RBFOX1: variants seen among roughly 807,000 people sequenced by gnomAD.
RBFOX1 encodes the protein RNA binding protein fox-1 homolog 1.
RBFOX1 carries 8 observed loss-of-function variants against 57.7 expected under a neutral mutation model. The ratio of observed to expected loss-of-function variants is 0.14; its 90% CI spans 0.08 to 0.25. The LOEUF is 0.25. RBFOX1 is among the 10% of genes least tolerant of loss of function. RBFOX1 has a pLI of 1.00. For synonymous variants in RBFOX1, 326 were observed against 222.4 expected, an observed-to-expected ratio of 1.47 and a Z score of -4.15; for missense variants, 611 against 548.5, an observed-to-expected ratio of 1.11 and a Z score of -1.14.
At chr16:6,529,839 C>T (rs2096631925) in intron 2 of RBFOX1, among the ~76,000 whole-genome samples, 2 of 152,004 alleles carry the variant, frequency 1.3e-5, no homozygotes, top group Admixed American at 1.3e-4. Flanking sequence ...TAAATATTAT[C>T]CCTAGTTTAT....
At chr16:5,241,122 C>T (rs2062156416) in intron 1 of RBFOX1, among the ~76,000 whole-genome samples, 1 of 152,240 alleles carries the variant, frequency 6.6e-6, no homozygotes, top group Admixed American at 6.5e-5. Context: ...ATTTGGGCAG[C>T]ACGGGTAGCC....
At chr16:5,271,439 C>T (rs188804971) in intron 1 of RBFOX1, among the ~76,000 whole-genome samples, 4 of 152,224 alleles carry the variant, frequency 2.6e-5, no homozygotes, top group Non-Finnish European at 4.4e-5. Flanking sequence ...GGCTGGGTAT[C>T]CCCTAGGGAT....
intron 4 of RBFOX1, among the ~76,000 whole-genome samples, chr16:7,187,337 G>A (rs1000252552): frequency 2.6e-5 from 4 of 151,732 alleles, no homozygotes; most frequent in African/African-American, 4.8e-5. Flanking sequence ...AGAGATTATC[G>A]ATCACTTAAA....
At chr16:5,357,520 T>A (rs1315453130) in intron 1 of RBFOX1, among the ~76,000 whole-genome samples, 2 of 152,150 alleles carry the variant, frequency 1.3e-5, no homozygotes, top group Non-Finnish European at 2.9e-5. Flanking sequence ...CCAGAATGGA[T>A]CTCAAAGGTT....
intron 1 of RBFOX1, among the ~76,000 whole-genome samples, chr16:5,330,565 C>A (rs530026996): frequency 2.6e-5 from 4 of 151,918 alleles, no homozygotes; most frequent in African/African-American, 4.8e-5. Context: ...CTACCATGCC[C>A]GGCTAATTTT....
At chr16:6,995,703 G>A (rs1408179043) in intron 3 of RBFOX1, among the ~76,000 whole-genome samples, 1 of 151,794 alleles carries the variant, frequency 6.6e-6, no homozygotes, top group Non-Finnish European at 1.5e-5. Flanking sequence ...AGAGGTTGCA[G>A]TGAGCCAAGA....
intron 3 of RBFOX1, among the ~76,000 whole-genome samples, chr16:6,660,385 C>T (rs1356397168): frequency 6.6e-6 from 1 of 152,064 alleles, no homozygotes; most frequent in Non-Finnish European, 1.5e-5. Flanking sequence ...CGCACATGTA[C>T]CCCAGAACTA....
chr16:7,215,298 C>G (rs1022261735), intron 4 of RBFOX1, among the ~76,000 whole-genome samples: 1 of 152,148 alleles, frequency 6.6e-6, no homozygotes, highest in Non-Finnish European at 1.5e-5. Context: ...TACCATTTGA[C>G]CCAGCCATCC....
chr16:6,417,439 G>A (rs1179258506), intron 2 of RBFOX1, among the ~76,000 whole-genome samples: 2 of 139,932 alleles, frequency 1.4e-5, no homozygotes, highest in African/African-American at 5.3e-5. Flanking sequence ...TTTGAGACTG[G>A]AGTGCAGTGG....
intron 2 of RBFOX1, among the ~76,000 whole-genome samples, chr16:6,484,285 G>C (rs2095427122): frequency 6.6e-6 from 1 of 152,184 alleles, no homozygotes; most frequent in Non-Finnish European, 1.5e-5. Context: ...CACGTTGCAA[G>C]GGAGCATGTG....
At position 6,023,567 on chromosome 16, in the gene RBFOX1, A is replaced by G. The variant is rs549930119; in HGVS notation, c.-127+3575A>G. On this transcript the variant is annotated intron_variant, in intron 1 of 15. Transcript: ENST00000550418. ...GAACACATTCCAAGAGGGAAATCGT[A>G]TTTGACACAGAAAATACTTTGGAGA... 1.6e-4 allele frequency among the ~76,000 whole-genome samples: 25 copies of G among 152,290 alleles called. 1 individual carries two copies. The East Asian group carries it at 4.4e-3, about 27-fold the overall frequency.
chr16:7,021,542 A>C (rs1173969494), intron 3 of RBFOX1, among the ~76,000 whole-genome samples: 1 of 145,656 alleles, frequency 6.9e-6, no homozygotes, highest in African/African-American at 2.5e-5. Flanking sequence ...ATTTTATAAA[A>C]TTTTTATATT....
chr16:6,070,665 C>G (rs2095824967), intron 1 of RBFOX1, among the ~76,000 whole-genome samples: 1 of 145,998 alleles, frequency 6.8e-6, no homozygotes, highest in African/African-American at 2.6e-5. Context: ...TTTAGCTTTT[C>G]TAAAAAAAAA....
intron 4 of RBFOX1, among the ~76,000 whole-genome samples, chr16:7,092,964 G>C (rs376546980): frequency 6.6e-6 from 1 of 152,066 alleles, no homozygotes; most frequent in Admixed American, 6.5e-5. Flanking sequence ...GTTCCTTTTC[G>C]TAGGAACTTG....
intron 4 of RBFOX1, among the ~76,000 whole-genome samples, chr16:7,171,171 G>T (rs984668663): frequency 4.6e-5 from 7 of 152,180 alleles, no homozygotes; most frequent in Admixed American, 3.9e-4. Context: ...TCGGCAATTG[G>T]CGAGGAGCTG....
intron 1 of RBFOX1, among the ~76,000 whole-genome samples, chr16:6,166,549 C>T (rs1039759287): frequency 6.6e-5 from 10 of 152,218 alleles, no homozygotes; most frequent in African/African-American, 1.7e-4. Context: ...AGACAGTCTT[C>T]GTGTGGTGAC....
At chr16:7,003,473 A>G (rs1009337690) in intron 3 of RBFOX1, among the ~76,000 whole-genome samples, 1 of 149,206 alleles carries the variant, frequency 6.7e-6, no homozygotes, top group South Asian at 2.2e-4. Flanking sequence ...AAAAAAAAAG[A>G]AAAAATTATA....
intron 3 of RBFOX1, among the ~76,000 whole-genome samples, chr16:6,866,541 ATTTTT>A (rs56678526): frequency 2.5e-5 from 2 of 78,886 alleles, no homozygotes; most frequent in African/African-American, 1.1e-4. Context: ...CTTTCCTTCT[ATTTTT>A]TTTTTTTTTT....
chr16:5,409,964 T>A (rs1262242861), intron 1 of RBFOX1, among the ~76,000 whole-genome samples: 1 of 151,356 alleles, frequency 6.6e-6, no homozygotes, highest in African/African-American at 2.4e-5. Flanking sequence ...AGGAGAATCA[T>A]TTGATCCCGG....
Sources: allele counts gnomAD v4.1 joint callset (sites outside exome capture counted in the v4.1 genomes callset), GRCh38; gene constraint gnomAD v4.1.1; transcripts MANE v1.5; gene names NCBI Gene and HGNC (gene_info 2026-07-23, HGNC 2026-07-21).